Variants in GRID2 observed in about 807,000 individuals in gnomAD.
GRID2 encodes glutamate ionotropic receptor delta type subunit 2.
A neutral mutation model predicts 114.8 loss-of-function variants in GRID2; 33 were observed. The observed-to-expected ratio is 0.29, with a 90% CI of 0.22 to 0.38. GRID2 has a LOEUF of 0.38. GRID2 is among the 10% of genes least tolerant of loss of function. The probability of loss-of-function intolerance (pLI) is 1.00; values close to 1 mark genes in which losing one functional copy is unlikely to be tolerated. For synonymous variants in GRID2, 505 were observed against 449.9 expected, an observed-to-expected ratio of 1.12 and a Z score of -1.55; for missense variants, 1,184 against 1,257.7, an observed-to-expected ratio of 0.94 and a Z score of 0.89.
At chr4:92,647,618 A>T (rs1366769281) in intron 2 of GRID2, among the ~76,000 whole-genome samples, 1 of 149,756 alleles carries the variant, frequency 6.7e-6, no homozygotes, top group Non-Finnish European at 1.5e-5. Context: ...TCTGCAGAAT[A>T]GTTAAAAATT....
At chr4:92,509,799 C>T (rs1724151757) in intron 1 of GRID2, among the ~76,000 whole-genome samples, 1 of 151,884 alleles carries the variant, frequency 6.6e-6, no homozygotes, top group African/African-American at 2.4e-5. Flanking sequence ...GAGATAGCAG[C>T]ATGCTCGGTA....
chr4:92,847,743 G>A (rs1208558223), intron 2 of GRID2, among the ~76,000 whole-genome samples: 1 of 151,812 alleles, frequency 6.6e-6, no homozygotes, highest in Non-Finnish European at 1.5e-5. Context: ...TTTATTTTAT[G>A]GAATGGAATC....
chr4:93,519,272 G>A (rs1243971839), intron 13 of GRID2, among the ~76,000 whole-genome samples: 1 of 152,036 alleles, frequency 6.6e-6, no homozygotes, highest in African/African-American at 2.4e-5. Flanking sequence ...TGAAACAAAC[G>A]GAAGATGGCA....
At chr4:93,284,449 C>A (rs1028138505) in intron 8 of GRID2, among the ~76,000 whole-genome samples, 1 of 151,778 alleles carries the variant, frequency 6.6e-6, no homozygotes. Context: ...TACAACAACC[C>A]CCTATGATAC....
chr4:93,800,129 C>T (rs1425289544), intron 1 of GRID2, among the ~76,000 whole-genome samples: 4 of 152,114 alleles, frequency 2.6e-5, no homozygotes. Flanking sequence ...GACGATAACG[C>T]CTCACAGGAA....
intron 9 of GRID2, among the ~76,000 whole-genome samples, chr4:93,405,927 T>G (rs1766366896): frequency 6.6e-6 from 1 of 152,196 alleles, no homozygotes; most frequent in Non-Finnish European, 1.5e-5. Flanking sequence ...AACACATTAG[T>G]AGCTATTAAA....
At chr4:92,439,184 T>G (rs1732891064) in intron 1 of GRID2, among the ~76,000 whole-genome samples, 1 of 152,096 alleles carries the variant, frequency 6.6e-6, no homozygotes, top group Non-Finnish European at 1.5e-5. Flanking sequence ...GGGTGCTTTT[T>G]GAGCCAGGAT....
At chr4:93,794,521 T>C (rs1167193815) in intron 1 of GRID2, among the ~76,000 whole-genome samples, 1 of 152,096 alleles carries the variant, frequency 6.6e-6, no homozygotes, top group South Asian at 2.1e-4. Flanking sequence ...TCATCCTTCA[T>C]GGCCAATGAG....
intron 2 of GRID2, among the ~76,000 whole-genome samples, chr4:92,965,147 T>C (rs1193042221): frequency 1.3e-5 from 2 of 151,778 alleles, no homozygotes; most frequent in African/African-American, 4.8e-5. Context: ...TATTGTTGCA[T>C]CTCAGGGAAT....
At chr4:93,638,321 A>ATTTTTTTTTTTTTTTTTTT (rs1560850925) in intron 14 of GRID2, among the ~76,000 whole-genome samples, 1 of 45,448 alleles carries the variant, frequency 2.2e-5, no homozygotes, top group Admixed American at 1.5e-4. Flanking sequence ...TTTTTTTTTA[A>ATTTTTTTTTTTTTTTTTTT]TTATACTCTA....
At chr4:92,716,476 G>A (rs1489599912) in intron 2 of GRID2, among the ~76,000 whole-genome samples, 2 of 152,142 alleles carry the variant, frequency 1.3e-5, no homozygotes, top group African/African-American at 4.8e-5. Context: ...CAGTAAATTT[G>A]GATAGTACGT....
intron 8 of GRID2, chr4:93,302,520 T>C (rs1754983502): frequency 2.2e-6 from 1 of 453,680 alleles, no homozygotes; most frequent in Non-Finnish European, 4.4e-6. Context: ...TTTCCACTTA[T>C]AATGTTTAAT....
chr4:93,368,923 GT>G (rs762258430), intron 8 of GRID2, among the ~76,000 whole-genome samples: 26 of 151,806 alleles, frequency 1.7e-4, no homozygotes, highest in Admixed American at 1.7e-3. Flanking sequence ...GAGAGAGAAA[GT>G]TTTAGTTATT....
chr4:93,574,494 G>C (rs766992858), intron 13 of GRID2, among the ~76,000 whole-genome samples: 2 of 152,140 alleles, frequency 1.3e-5, no homozygotes, highest in Admixed American at 6.5e-5. Context: ...GCTGCAGAAG[G>C]CTCACAATCA....
rs192458945 is a variant in GRID2 at position 93,258,294 on chromosome 4, T to A, written c.1245+19804T>A. On this transcript the variant is annotated intron_variant, in intron 8 of 15. Coordinates refer to ENST00000282020, the MANE Select transcript of GRID2 (RefSeq NM_001510.4). ...TTTCACTTGCAATAAGGAAAAAAAA[T>A]GACAATGATAAAAACTAGCAAAGAT... 2.0e-5 allele frequency among the ~76,000 whole-genome samples: 3 copies of A among 151,132 alleles called. No individual in the cohort carries two copies. In the East Asian group the frequency reaches 5.8e-4, roughly 29 times the overall value.
At chr4:92,529,771 T>G (rs1725238031) in intron 1 of GRID2, among the ~76,000 whole-genome samples, 1 of 152,176 alleles carries the variant, frequency 6.6e-6, no homozygotes, top group African/African-American at 2.4e-5. Flanking sequence ...CTTCAATAGT[T>G]GTGTCAGGGA....
intron 2 of GRID2, among the ~76,000 whole-genome samples, chr4:92,737,370 A>C (rs1736646566): frequency 6.6e-6 from 1 of 151,552 alleles, no homozygotes; most frequent in African/African-American, 2.4e-5. Context: ...GTCAGATAGA[A>C]GAGTCTGCCC....
chr4:93,562,888 C>T (rs1275195287), intron 13 of GRID2, among the ~76,000 whole-genome samples: 2 of 151,980 alleles, frequency 1.3e-5, no homozygotes, highest in African/African-American at 2.4e-5. Context: ...TTCTATTGAT[C>T]TCTCTGTGCG....
At chr4:93,384,451 T>G (rs1167050819) in intron 8 of GRID2, among the ~76,000 whole-genome samples, 2 of 152,170 alleles carry the variant, frequency 1.3e-5, no homozygotes, top group Non-Finnish European at 2.9e-5. Context: ...TGTAAAACAC[T>G]CAGCACTTAT....
Sources: allele counts gnomAD v4.1 joint callset (sites outside exome capture counted in the v4.1 genomes callset), GRCh38; gene constraint gnomAD v4.1.1; transcripts MANE v1.5; gene names NCBI Gene and HGNC (gene_info 2026-07-23, HGNC 2026-07-21).